CTSF: variants seen among roughly 807,000 people sequenced by gnomAD.
CTSF encodes the protein cathepsin F.
In CTSF, 65 loss-of-function variants were observed where a neutral mutation model predicts 63.5. The observed-to-expected ratio is 1.02, with a 90% CI of 0.84 to 1.26. CTSF has a LOEUF of 1.26. Ranked by LOEUF, CTSF falls within the 50% of genes most tolerant of loss-of-function variation. The pLI is 0.00. For synonymous variants in CTSF, 256 were observed against 258.1 expected (o/e 0.99, Z 0.08); for missense variants, 641 against 631.0 (o/e 1.02, Z -0.17).
intron 11 of CTSF, 147 bp from the exon 12 acceptor site, chr11:66,564,293 G>T: frequency 9.5e-7 from 1 of 1,051,136 alleles, no homozygotes. Flanking sequence ...CCACCTACCA[G>T]CCTCAGGGAG....
At chr11:66,567,119 C>G in intron 4 of CTSF, 127 bp downstream of exon 4, 1 of 974,036 alleles carries the variant, frequency 1.0e-6, no homozygotes, top group Non-Finnish European at 1.6e-6. Context: ...AGGGAGAGCT[C>G]AGGAATTATG....
Position 66,564,651 on chromosome 11 carries a change from G to C in CTSF, c.1231-3C>G. On this transcript the variant is annotated splice_region_variant and splice_polypyrimidine_tract_variant and intron_variant, in intron 10 of 12. Transcript: ENST00000310325. ...CGGGAGATCCCGTGGCGGTAAAACT[G>C]GAGGTGGAGAAGGAGTAGGGGATCG... 6.2e-7 allele frequency: 1 copy of C among 1,612,074 alleles called. No homozygotes were observed. Among genetic ancestry groups the C allele is most frequent in the Non-Finnish European group, 8.5e-7 (1 of 1,179,052 alleles).
Position 66,566,358 on chromosome 11 carries a change from T to C in CTSF, c.654A>G (p.Ala218=). The C allele has an allele frequency of 6.2e-7, 1 of 1,614,158 alleles. No homozygotes were observed. The highest frequency in any genetic ancestry group is 1.3e-5 in the African/African-American group (1 of 75,034). The change falls in exon 5 of 13, where the codon GCA becomes GCG. Residue 218 remains alanine (A), a synonymous_variant. Coordinates refer to ENST00000310325, the MANE Select transcript of CTSF (RefSeq NM_003793.4). ...LSVFVNNMVR[A]QKIQALDRGT... ...CACGGTCCAGGGCCTGGATCTTCTGTGCTCGCACCATGTTATTGACAAAGA... is the reference window on the plus strand; with the variant it reads ...CACGGTCCAGGGCCTGGATCTTCTGCGCTCGCACCATGTTATTGACAAAGA...
chr11:66,567,898 C>T (rs1366944847), intron 2 of CTSF, 86 bp downstream of exon 2: 16 of 1,488,072 alleles, frequency 1.1e-5, no homozygotes, highest in Non-Finnish European at 1.4e-5. Flanking sequence ...TACCTCAGAT[C>T]CCTGCGTCTT....
At chr11:66,565,055 T>C (rs777600093) in intron 8 of CTSF, 49 bp from the exon 9 acceptor site, 5 of 1,516,800 alleles carry the variant, frequency 3.3e-6, no homozygotes, top group Non-Finnish European at 4.4e-6. Context: ...CCATTTGCCA[T>C]TCACAGCCAG....
At chr11:66,567,806 T>C (rs1413580051) in intron 2 of CTSF, 144 bp from the exon 3 acceptor site, 1 of 1,376,706 alleles carries the variant, frequency 7.3e-7, no homozygotes, top group Non-Finnish European at 9.7e-7. Flanking sequence ...AGGCACGGCC[T>C]GCACCGGGGC....
In CTSF at chr11:66,565,852, G is replaced by C; in HGVS notation, c.943C>G (p.Leu315Val). 2 of 1,614,026 alleles carry C rather than the reference G, an allele frequency of 1.2e-6. No individual in the cohort carries two copies. The highest frequency in any genetic ancestry group is 1.7e-6 in the Non-Finnish European group (2 of 1,180,026). The change falls in exon 7 of 13, where the codon CTG becomes GTG. Residue 315 changes from leucine to valine, a missense_variant. Leu to Val is a conservative substitution (Grantham distance 32, BLOSUM62 1). Coordinates refer to ENST00000310325, the MANE Select transcript of CTSF (RefSeq NM_003793.4). Reference protein sequence around the residue: ...EGQWFLNQGTLLSLSEQELLD... With the variant: ...EGQWFLNQGTVLSLSEQELLD... The stretch of plus-strand genomic sequence containing the variant: ...TCACCCTGTTCAGAGAGGGAGAGCA[G>C]GGTCCCCTGGTTGAGAAACCACTGG...
rs1857953526 is a variant in CTSF at position 66,567,326 on chromosome 11, ATAGGCAGACCAGTCTT to A, written c.532-21_532-6del. 6.2e-7 allele frequency: 1 copy of A among 1,614,186 alleles called. No homozygotes were observed. The highest frequency in any genetic ancestry group is 8.5e-7 in the Non-Finnish European group (1 of 1,180,020). ...AGCCATCTTCACAGGCAAGTCCTGG[ATAGGCAGACCAGTCTT>A]TAGGCTGACCAGAGAAACCCACTCC... On this transcript the variant is annotated splice_polypyrimidine_tract_variant and splice_region_variant and intron_variant, in intron 3 of 12. Coordinates refer to ENST00000310325, the MANE Select transcript of CTSF (RefSeq NM_003793.4).
At chr11:66,567,892 T>C in intron 2 of CTSF, 92 bp downstream of exon 2, 1 of 1,482,562 alleles carries the variant, frequency 6.7e-7, no homozygotes, top group Admixed American at 2.3e-5. Context: ...AGCAGCTACC[T>C]CAGATCCCTG....
chr11:66,564,038 C>G, intron 12 of CTSF, 31 bp from the exon 13 acceptor site: 3 of 1,613,866 alleles, frequency 1.9e-6, no homozygotes, highest in Non-Finnish European at 2.5e-6. Flanking sequence ...GTGAGGGCAC[C>G]AGGGTAGGAT....
At position 66,566,279 on chromosome 11, in the gene CTSF, C is replaced by T. The variant is rs755154410; in HGVS notation, c.721+12G>A. The T allele has an allele frequency of 7.4e-6, 12 of 1,614,006 alleles. No homozygotes were observed. Among genetic ancestry groups the T allele is most frequent in the Middle Eastern group, 1.6e-4 (1 of 6,084 alleles). ...TTCCTGGATCCATGAGGACTGTGGC[C>T]ACTATCCCTACCTGTGAGATCACTG... On this transcript the variant is annotated intron_variant, in intron 5 of 12. Coordinates refer to ENST00000310325, the MANE Select transcript of CTSF (RefSeq NM_003793.4).
chr11:66,564,523 G>C, intron 11 of CTSF, 35 bp downstream of exon 11: 1 of 1,502,662 alleles, frequency 6.7e-7, no homozygotes. Flanking sequence ...CCTGCCTGTG[G>C]CCTGGCTGGA....
At chr11:66,567,893 C>G in intron 2 of CTSF, 91 bp downstream of exon 2, 1 of 1,481,584 alleles carries the variant, frequency 6.7e-7, no homozygotes, top group East Asian at 2.3e-5. Context: ...GCAGCTACCT[C>G]AGATCCCTGC....
rs775268694 is a variant in CTSF, at chr11:66,566,137, G to A, written c.752C>T (p.Thr251Ile). The A allele has an allele frequency of 4.2e-5, 68 of 1,614,012 alleles. No homozygotes were observed. The highest frequency in any genetic ancestry group is 3.3e-4 in the Middle Eastern group (2 of 6,084). Residue 251 changes from threonine (T) to isoleucine (I), a missense_variant, in exon 6 of 13, where the codon ACT becomes ATT. Transcript: ENST00000310325. The stretch of plus-strand genomic sequence containing the variant: ...GTTGCCAGGCTCTTTCCTCAGGAGA[G>A]TATTCAGGTAGATAGTGCGGAACTC... The part of the protein sequence containing the change: ...EEEFRTIYLN[T>I]LLRKEPGNKM...
chr11:66,567,138 G>A, intron 4 of CTSF, 108 bp downstream of exon 4: 1 of 1,169,328 alleles, frequency 8.6e-7, no homozygotes, highest in Non-Finnish European at 1.3e-6. Flanking sequence ...TGGGGTCCTT[G>A]AACAGGTACA....
chr11:66,567,476 T>A lies in CTSF; in HGVS notation c.499A>T (p.Ile167Phe). 2 of 1,614,072 alleles carry A rather than the reference T, an allele frequency of 1.2e-6. 1 individual carries two copies. The highest frequency in any genetic ancestry group is 2.2e-5 in the South Asian group (2 of 91,078). The change falls in exon 3 of 13, where the codon ATT becomes TTT. Residue 167 changes from isoleucine (I) to phenylalanine (F), a missense_variant. By Grantham distance (21) the Ile-to-Phe change is conservative. Coordinates refer to ENST00000310325, the MANE Select transcript of CTSF (RefSeq NM_003793.4). ...DNRNETFSSV[I>F]SLLNEDPLSQ... ...AGGGGATCCTCATTCAACAGGGAAA[T>A]GACTGAGCTGAAAGTCTCGTTTCTG...
In CTSF at chr11:66,564,104, G is replaced by T; in HGVS notation, c.1364C>A (p.Thr455Asn). 6.2e-7 allele frequency: 1 copy of T among 1,613,642 alleles called. No individual in the cohort carries two copies. Among genetic ancestry groups the T allele is most frequent in the Non-Finnish European group, 8.5e-7 (1 of 1,179,822 alleles). Residue 455 changes from threonine (T) to asparagine (N), a missense_variant, in exon 12 of 13, where the codon ACT becomes AAT. Physicochemically the swap from Thr to Asn is moderately conservative, Grantham distance 65 (BLOSUM62 0). Transcript: ENST00000310325. ...PFWAIKNSWG[T>N]DWGEKGYYYL... Reference sequence around the variant, plus strand: ...AAGACTCACCTTCTCACCCCAGTCAGTGCCCCAGCTGTTCTTGATGGCCCA... The same window carrying T: ...AAGACTCACCTTCTCACCCCAGTCATTGCCCCAGCTGTTCTTGATGGCCCA...
Position 66,568,095 on chromosome 11 carries a change from G to C in CTSF, c.214-13C>G, listed in dbSNP as rs1565313703. 2 of 1,604,846 alleles carry C rather than the reference G, an allele frequency of 1.2e-6. No individual in the cohort carries two copies. Among genetic ancestry groups the C allele is most frequent in the Non-Finnish European group, 1.7e-6 (2 of 1,176,978 alleles). On this transcript the variant is annotated splice_polypyrimidine_tract_variant and intron_variant, in intron 1 of 12. Transcript: ENST00000310325. The stretch of plus-strand genomic sequence containing the variant: ...ACCCCTGACCCGCCTGGAGAGAGGA[G>C]TAGGTGAGGCGGGCACAGTCGGCCC...
rs376744562 is a variant in CTSF at position 66,567,525 on chromosome 11, A to G, written c.450T>C (p.Ser150=). The G allele has an allele frequency of 5.6e-6, 9 of 1,614,192 alleles. No individual in the cohort carries two copies. In the African/African-American group the frequency reaches 1.2e-4, roughly 22 times the overall value. ...TGTTGTCTGGATGGTTTTGGGACAG[A>G]GAAGAAATCATGGCTGAGCCCTGAG... ...AFTQGSAMIS[S]LSQNHPDNRN... is the part of the protein sequence containing the mutation. The change falls in exon 3 of 13, where the codon TCT becomes TCC. Residue 150 remains serine (S), a synonymous_variant. Transcript: ENST00000310325.
Sources: gnomAD v4.1 joint callset for allele counts on GRCh38, gnomAD v4.1.1 for gene constraint, MANE v1.5 for transcripts, NCBI Gene and HGNC (gene_info 2026-07-23, HGNC 2026-07-21) for gene names.